Variants in SCFD2 observed in about 807,000 individuals in gnomAD.
SCFD2 encodes sec1 family domain-containing protein 2.
In SCFD2, 54 loss-of-function variants were observed where a neutral mutation model predicts 58.9. That is an observed-to-expected ratio of 0.92 (90% confidence interval 0.74 to 1.15). The LOEUF is 1.15. Ranked by LOEUF, SCFD2 falls within the 50% of genes most tolerant of loss-of-function variation. The pLI, the probability that SCFD2 is intolerant of heterozygous loss-of-function variation, is 0.00. For missense variants in SCFD2, 805 were observed against 836.6 expected, an observed-to-expected ratio of 0.96 and a Z score of 0.47; for synonymous variants, 321 against 335.9, an observed-to-expected ratio of 0.96 and a Z score of 0.49.
At position 53,266,877 on chromosome 4, in the gene SCFD2, G is replaced by T. The variant is rs544530866; in HGVS notation, c.1311+6949C>A. Among the ~76,000 whole-genome samples the T allele has an allele frequency of 3.3e-4, 50 of 152,226 alleles. No individual in the cohort carries two copies. The South Asian group carries it at 8.3e-3, about 25-fold the overall frequency. ...TTGTACTCACTGCTAACAAATATTA[G>T]ATTTTCCCCAAGAATACTCAAAAAG... On this transcript the variant is annotated intron_variant, in intron 4 of 8. Transcript: ENST00000401642.
chr4:53,117,807 TATAA>T (rs143174476), intron 5 of SCFD2, among the ~76,000 whole-genome samples: 3,242 of 152,314 alleles, frequency 0.021, 69 homozygotes, highest in East Asian at 0.11. Flanking sequence ...TGCAATTTTA[TATAA>T]ATAGAGTCAC....
chr4:52,895,812 C>T (rs201276748), intron 7 of SCFD2, among the ~76,000 whole-genome samples: 1 of 152,224 alleles, frequency 6.6e-6, no homozygotes, highest in Non-Finnish European at 1.5e-5. Flanking sequence ...TCCACATCCT[C>T]TCTAGCACCT....
At chr4:53,304,784 C>T (rs1004559047) in intron 3 of SCFD2, among the ~76,000 whole-genome samples, 2 of 151,938 alleles carry the variant, frequency 1.3e-5, no homozygotes, top group African/African-American at 2.4e-5. Context: ...TCCTTTAGTT[C>T]GGAGGAGTTT....
intron 1 of SCFD2, among the ~76,000 whole-genome samples, chr4:53,362,188 G>A (rs1734565250): frequency 6.6e-6 from 1 of 152,150 alleles, no homozygotes; most frequent in African/African-American, 2.4e-5. Context: ...ATGTGAGGGA[G>A]AAAGCCATAT....
intron 3 of SCFD2, among the ~76,000 whole-genome samples, chr4:53,296,466 G>A (rs1162512474): frequency 1.3e-5 from 2 of 152,160 alleles, no homozygotes; most frequent in Non-Finnish European, 2.9e-5. Context: ...TTGTATGTCT[G>A]TGGGATCGGT....
At chr4:53,163,797 G>C (rs1259449911) in intron 4 of SCFD2, among the ~76,000 whole-genome samples, 2 of 152,082 alleles carry the variant, frequency 1.3e-5, no homozygotes, top group Admixed American at 1.3e-4. Flanking sequence ...ACTCTTTAAC[G>C]GTTAAATTTC....
intron 5 of SCFD2, among the ~76,000 whole-genome samples, chr4:53,010,144 A>G (rs1418393552): frequency 6.6e-6 from 1 of 152,174 alleles, no homozygotes; most frequent in Non-Finnish European, 1.5e-5. Context: ...TGTTTTGCTG[A>G]GTTGATATTT....
chr4:53,300,944 G>A (rs371953391), intron 3 of SCFD2, among the ~76,000 whole-genome samples: 14 of 152,114 alleles, frequency 9.2e-5, no homozygotes, highest in South Asian at 2.1e-4. Flanking sequence ...GGACACATTC[G>A]AAGCAGTGTG....
chr4:53,084,655 G>A (rs1454960629), intron 5 of SCFD2, among the ~76,000 whole-genome samples: 6 of 152,118 alleles, frequency 3.9e-5, no homozygotes, highest in Admixed American at 3.9e-4. Flanking sequence ...GCTCCAGCTG[G>A]TCCCTCCGTT....
intron 5 of SCFD2, among the ~76,000 whole-genome samples, chr4:52,933,706 G>C (rs1158197332): frequency 6.6e-6 from 1 of 152,194 alleles, no homozygotes; most frequent in Non-Finnish European, 1.5e-5. Flanking sequence ...CAAGGGATTT[G>C]AGAGTTAGTT....
In SCFD2 at chr4:52,873,927, G is replaced by A. The variant is rs749398127; in HGVS notation, c.*42C>T. 2 of 1,448,404 alleles carry A rather than the reference G, an allele frequency of 1.4e-6. No homozygotes were observed. The highest frequency in any genetic ancestry group is 2.3e-5 in the East Asian group (1 of 44,038). 89.7% of individuals were successfully genotyped at this position (1,448,404 alleles called of 1,614,324 possible). ...TGGAGTGGTGGCAGAAAATTGCATC[G>A]GCATTTCCAGCTTGAGTAGGTCTTA... On this transcript the variant is annotated 3_prime_UTR_variant, in exon 9 of 9. Transcript: ENST00000401642.
At chr4:53,082,473 T>C (rs757691773) in intron 5 of SCFD2, among the ~76,000 whole-genome samples, 4 of 152,176 alleles carry the variant, frequency 2.6e-5, no homozygotes, top group African/African-American at 4.8e-5. Context: ...CATCTTTTCA[T>C]GCACCTACTG....
intron 5 of SCFD2, among the ~76,000 whole-genome samples, chr4:53,095,133 A>G (rs1413475492): frequency 6.6e-6 from 1 of 151,966 alleles, no homozygotes; most frequent in Non-Finnish European, 1.5e-5. Context: ...ACTATACTCA[A>G]TCCCTTAGTG....
At chr4:52,931,208 A>G (rs779539394) in intron 5 of SCFD2, among the ~76,000 whole-genome samples, 1 of 152,240 alleles carries the variant, frequency 6.6e-6, no homozygotes, top group Non-Finnish European at 1.5e-5. Flanking sequence ...TTTTCACTAT[A>G]ATAAGTCCCC....
chr4:53,183,063 A>C (rs192198323), intron 4 of SCFD2, among the ~76,000 whole-genome samples: 20 of 152,324 alleles, frequency 1.3e-4, no homozygotes, highest in Non-Finnish European at 1.8e-4. Flanking sequence ...GAGCCTGTAA[A>C]CTAGTTCAGC....
intron 8 of SCFD2, among the ~76,000 whole-genome samples, chr4:52,882,348 A>G (rs2017237): frequency 0.28 from 43,171 of 152,044 alleles, 6,694 homozygotes; most frequent in African/African-American, 0.41. Flanking sequence ...GTGAGTGACA[A>G]TGCCAAAGAG....
At chr4:53,087,274 G>T (rs1197419437) in intron 5 of SCFD2, among the ~76,000 whole-genome samples, 1 of 152,194 alleles carries the variant, frequency 6.6e-6, no homozygotes, top group African/African-American at 2.4e-5. Context: ...ATAGAAGATA[G>T]AACTTCTACA....
chr4:53,269,818 A>C (rs935819328), intron 4 of SCFD2, among the ~76,000 whole-genome samples: 6 of 152,246 alleles, frequency 3.9e-5, no homozygotes, highest in Non-Finnish European at 2.9e-5. Context: ...AGAGATCAGA[A>C]GTTCGAGACC....
intron 4 of SCFD2, among the ~76,000 whole-genome samples, chr4:53,193,028 C>T (rs932383946): frequency 2.0e-5 from 3 of 151,954 alleles, no homozygotes; most frequent in Middle Eastern, 3.2e-3. Context: ...TTATTGTAAA[C>T]GAGTTGTAAG....
Sources: allele counts gnomAD v4.1 joint callset (sites outside exome capture counted in the v4.1 genomes callset), GRCh38; gene constraint gnomAD v4.1.1; transcripts MANE v1.5; gene names NCBI Gene and HGNC (gene_info 2026-07-23, HGNC 2026-07-21).